Variants in APBB2 observed in about 807,000 individuals in gnomAD.
APBB2 encodes amyloid beta precursor protein binding family B member 2, also known as Fe65-like 1.
APBB2 carries 38 observed loss-of-function variants against 82.5 expected under a neutral mutation model. The ratio of observed to expected loss-of-function variants is 0.46; its 90% CI spans 0.36 to 0.60. The LOEUF (loss-of-function observed/expected upper bound fraction) is 0.60, where lower values mean the gene tolerates loss of function less well. APBB2 is among the 20% of genes least tolerant of loss of function. APBB2 has a pLI of 0.00. For synonymous variants in APBB2, 341 were observed against 368.2 expected (o/e 0.93, Z 0.85); for missense variants, 772 against 972.3 (o/e 0.79, Z 2.74).
At chr4:40,976,919 C>T (rs1307848055) in intron 6 of APBB2, among the ~76,000 whole-genome samples, 1 of 152,050 alleles carries the variant, frequency 6.6e-6, no homozygotes, top group Non-Finnish European at 1.5e-5. Context: ...CATGATGGCT[C>T]ATGGCAGTGG....
At chr4:41,192,611 A>G (rs1046640618) in intron 1 of APBB2, among the ~76,000 whole-genome samples, 1 of 152,174 alleles carries the variant, frequency 6.6e-6, no homozygotes, top group Non-Finnish European at 1.5e-5. Flanking sequence ...ACATACAGAG[A>G]TAGAGAATAA....
At chr4:41,000,971 G>A (rs1433963160) in intron 6 of APBB2, among the ~76,000 whole-genome samples, 1 of 152,204 alleles carries the variant, frequency 6.6e-6, no homozygotes, top group Non-Finnish European at 1.5e-5. Flanking sequence ...AAGAGCACAG[G>A]CTGTGGAATA....
chr4:40,941,105 G>A (rs1004912409), intron 7 of APBB2, among the ~76,000 whole-genome samples: 1 of 151,704 alleles, frequency 6.6e-6, no homozygotes, highest in Admixed American at 6.6e-5. Flanking sequence ...CTTTTGTGAA[G>A]CCTAGTCAAC....
intron 12 of APBB2, among the ~76,000 whole-genome samples, chr4:40,886,769 GTCC>G (rs1770431290): frequency 6.6e-6 from 1 of 152,152 alleles, no homozygotes; most frequent in Non-Finnish European, 1.5e-5. Flanking sequence ...ACCTGCGTAC[GTCC>G]TCCTTTGCAC....
At chr4:40,876,614 C>T (rs564642221) in intron 12 of APBB2, among the ~76,000 whole-genome samples, 1 of 152,330 alleles carries the variant, frequency 6.6e-6, no homozygotes, top group South Asian at 2.1e-4. Flanking sequence ...ACAGTATTTG[C>T]ATATAACCTA....
intron 1 of APBB2, among the ~76,000 whole-genome samples, chr4:41,164,282 A>G (rs1043396405): frequency 9.2e-5 from 14 of 152,206 alleles, no homozygotes; most frequent in Admixed American, 2.6e-4. Flanking sequence ...GGCAGCTAAA[A>G]AGTTTTGGAT....
At chr4:41,039,632 G>A (rs1487951964) in intron 4 of APBB2, among the ~76,000 whole-genome samples, 1 of 152,136 alleles carries the variant, frequency 6.6e-6, no homozygotes, top group East Asian at 1.9e-4. Flanking sequence ...GCCTAGGCAG[G>A]CGGATTGCTT....
chr4:40,991,968 C>T (rs1338550735), intron 6 of APBB2, among the ~76,000 whole-genome samples: 1 of 152,054 alleles, frequency 6.6e-6, no homozygotes, highest in Non-Finnish European at 1.5e-5. Flanking sequence ...ACTCTCCCTC[C>T]TCCTCCCCAT....
intron 4 of APBB2, among the ~76,000 whole-genome samples, chr4:41,046,086 A>C (rs1361472575): frequency 3.3e-5 from 5 of 152,216 alleles, no homozygotes; most frequent in African/African-American, 4.8e-5. Context: ...AAAAACAATA[A>C]AGAAGTGCCC....
intron 1 of APBB2, among the ~76,000 whole-genome samples, chr4:41,199,086 C>T (rs888557678): frequency 5.9e-5 from 9 of 152,194 alleles, no homozygotes; most frequent in Admixed American, 3.9e-4. Context: ...ACCTTAACAT[C>T]TGCAAAAACC....
At position 41,127,672 on chromosome 4, in the gene APBB2, A is replaced by G. The variant is rs983739174; in HGVS notation, c.-261+15315T>C. ...AAACAATTCAATAAGCAAAAAAACA[A>G]ATAACTCCATTAAAAAGTGGGCAAA... On this transcript the variant is annotated intron_variant, in intron 2 of 17. Transcript: ENST00000508593. The surrounding 1 kb of genome is among the most constrained non-coding windows in gnomAD (Gnocchi z 4.8). Among the ~76,000 whole-genome samples the G allele has an allele frequency of 2.0e-5, 3 of 152,240 alleles. No homozygotes were observed. The highest frequency in any genetic ancestry group is 7.2e-5 in the African/African-American group (3 of 41,470).
chr4:41,078,393 A>T (rs543591782), intron 3 of APBB2, among the ~76,000 whole-genome samples: 59 of 152,352 alleles, frequency 3.9e-4, no homozygotes, highest in Non-Finnish European at 5.4e-4. Context: ...ATCAACTTTT[A>T]AAAGGGTAGA....
intron 10 of APBB2, among the ~76,000 whole-genome samples, chr4:40,923,879 G>A (rs977787702): frequency 6.6e-6 from 1 of 152,212 alleles, no homozygotes; most frequent in African/African-American, 2.4e-5. Context: ...AAATAACACC[G>A]TGCTTCTGCC....
At chr4:40,943,760 C>T (rs1787635432) in intron 7 of APBB2, among the ~76,000 whole-genome samples, 1 of 152,218 alleles carries the variant, frequency 6.6e-6, no homozygotes, top group African/African-American at 2.4e-5. Flanking sequence ...GAAGCATGTG[C>T]CTGATGACCA....
At chr4:41,049,118 C>A (rs1489611668) in intron 4 of APBB2, among the ~76,000 whole-genome samples, 1 of 151,208 alleles carries the variant, frequency 6.6e-6, no homozygotes, top group Non-Finnish European at 1.5e-5. Context: ...CTCTGCCTGG[C>A]CGCCCATCGT....
At chr4:41,029,261 T>A (rs1715734989) in intron 5 of APBB2, among the ~76,000 whole-genome samples, 1 of 152,206 alleles carries the variant, frequency 6.6e-6, no homozygotes, top group African/African-American at 2.4e-5. Flanking sequence ...TTTCTTTTCC[T>A]TTTAGGAGGG....
intron 1 of APBB2, among the ~76,000 whole-genome samples, chr4:41,196,288 G>C: frequency 6.6e-6 from 1 of 152,124 alleles, no homozygotes; most frequent in Non-Finnish European, 1.5e-5. Flanking sequence ...ACTGTCTATA[G>C]TCCTGACACT....
At position 40,816,164 on chromosome 4, in the gene APBB2, G is replaced by A; in HGVS notation, c.2208C>T (p.Thr736=). Residue 736 remains threonine, a synonymous_variant, in exon 18 of 18, where the codon ACC becomes ACT. Transcript: ENST00000508593. ...GGGATAAGACCCCTCGTTTTACATT[G>A]GTTGTGACTCTTCTGGTTACTGAAT... The part of the protein sequence containing the change: ...PADSVTRRVT[T]NVKRGVLSLI... 1.9e-6 allele frequency: 3 copies of A among 1,614,210 alleles called. No homozygotes were observed. The highest frequency in any genetic ancestry group is 2.5e-6 in the Non-Finnish European group (3 of 1,180,042).
intron 1 of APBB2, among the ~76,000 whole-genome samples, chr4:41,163,361 A>T (rs1765671014): frequency 6.6e-6 from 1 of 152,214 alleles, no homozygotes; most frequent in Non-Finnish European, 1.5e-5. Flanking sequence ...TGAGGATTCC[A>T]GTTTGGATTT....
Sources: allele counts gnomAD v4.1 joint callset (sites outside exome capture counted in the v4.1 genomes callset), GRCh38; gene constraint gnomAD v4.1.1; non-coding constraint Gnocchi (gnomAD v3.1); transcripts MANE v1.5; gene names NCBI Gene and HGNC (gene_info 2026-07-23, HGNC 2026-07-21).